The following REST variants were observed in gnomAD, a reference collection of about 807,000 sequenced individuals.
The protein encoded by REST is RE1-silencing transcription factor.
A neutral mutation model predicts 30.4 loss-of-function variants in REST; 1 was observed. The observed-to-expected ratio is 0.03, with a 90% confidence interval of 0.01 to 0.16. REST has a LOEUF of 0.16. Among genes scored for constraint, REST ranks in the 10% least tolerant of loss-of-function variants. The pLI is 1.00. For missense variants in REST, 1,259 were observed against 1,329.5 expected (o/e 0.95, Z 0.82); for synonymous variants, 504 against 451.1 (o/e 1.12, Z -1.49).
chr4:56,910,494 AG>A, intron 1 of REST, 135 bp from the exon 2 acceptor site: 1 of 666,748 alleles, frequency 1.5e-6, no homozygotes, highest in Admixed American at 3.3e-5. Flanking sequence ...TGTTTTTAAT[AG>A]GCGATGAAGT....
chr4:56,930,719 G>A lies in REST; in HGVS notation c.1861G>A (p.Val621Ile). 2 of 1,603,994 alleles carry A rather than the reference G, an allele frequency of 1.2e-6. No homozygotes were observed. Among genetic ancestry groups the A allele is most frequent in the Non-Finnish European group, 8.5e-7 (1 of 1,177,508 alleles). ...GATGGGGCCTGCTCCCACAGAGGCG[G>A]TTCAGAAGGGGCCCGTTCAGGTGGA... ...PQMGPAPTEA[V>I]QKGPVQVEPP... The change falls in exon 4 of 4, where the codon GTT (valine) becomes ATT (isoleucine). Residue 621 changes from valine (V) to isoleucine (I), a missense_variant. By Grantham distance (29) the Val-to-Ile change is conservative. Coordinates refer to ENST00000309042, the MANE Select transcript of REST (RefSeq NM_005612.5).
chr4:56,930,004 A>G lies in REST; in HGVS notation c.1146A>G (p.Leu382=), dbSNP rs770547424. 1.2e-5 allele frequency: 19 copies of G among 1,614,120 alleles called. No homozygotes were observed. The Admixed American group carries it at 2.0e-4, about 17-fold the overall frequency. The change falls in exon 4 of 4, where the codon CTA becomes CTG. Residue 382 remains leucine, a synonymous_variant. Coordinates refer to ENST00000309042, the MANE Select transcript of REST (RefSeq NM_005612.5). The stretch of plus-strand genomic sequence containing the variant: ...GCAACTTCAAAAAACATGTAGAGCT[A>G]CATGTGAACCCACGGCAGTTCAATT... ...DRSNFKKHVE[L]HVNPRQFNCP...
intron 2 of REST, among the ~76,000 whole-genome samples, chr4:56,919,140 C>T (rs1326002200): frequency 1.3e-5 from 2 of 151,812 alleles, no homozygotes; most frequent in East Asian, 3.9e-4. Context: ...CTCCTTACCT[C>T]GTGATCTACC....
chr4:56,929,179 T>G (rs764038063), intron 3 of REST, among the ~76,000 whole-genome samples: 26 of 151,888 alleles, frequency 1.7e-4, no homozygotes, highest in Admixed American at 1.4e-3. Flanking sequence ...GCAATTCTCG[T>G]GTCTCAGCCT....
At chr4:56,917,040 G>A (rs933948398) in intron 2 of REST, among the ~76,000 whole-genome samples, 2 of 152,084 alleles carry the variant, frequency 1.3e-5, no homozygotes, top group African/African-American at 4.8e-5. Context: ...CTGTCTTTGT[G>A]ATTACAGCTA....
chr4:56,927,600 A>G, intron 3 of REST: 2 of 1,085,302 alleles, frequency 1.8e-6, no homozygotes, highest in Non-Finnish European at 1.2e-6. Context: ...TCTACTATGC[A>G]TTCCATTGGA....
Position 56,930,791 on chromosome 4 carries a change from C to T in REST, c.1933C>T (p.Arg645Trp), listed in dbSNP as rs138773727. Residue 645 changes from arginine (R) to tryptophan (W), a missense_variant, in exon 4 of 4, where the codon CGG becomes TGG. Transcript: ENST00000309042. ...TGCTCAGATGGAGGGTGCCCAGATACGGCCTGCTCCTGACGAGCCTGTTCA... is the reference window on the plus strand; with the variant it reads ...TGCTCAGATGGAGGGTGCCCAGATATGGCCTGCTCCTGACGAGCCTGTTCA... ...EHAQMEGAQI[R>W]PAPDEPVQME... 319 of 1,604,014 alleles carry T rather than the reference C, an allele frequency of 2.0e-4. No individual in the cohort carries two copies. The highest frequency in any genetic ancestry group is 2.4e-4 in the Non-Finnish European group (288 of 1,175,630).
chr4:56,931,501 A>C lies in REST; in HGVS notation c.2643A>C (p.Lys881Asn). 1 of 1,614,230 alleles carries C rather than the reference A, an allele frequency of 6.2e-7. No individual in the cohort carries two copies. Among genetic ancestry groups the C allele is most frequent in the Non-Finnish European group, 8.5e-7 (1 of 1,180,044 alleles). The change falls in exon 4 of 4, where the codon AAA (lysine) becomes AAC (asparagine). Residue 881 changes from lysine to asparagine, a missense_variant. Lys to Asn is a moderately conservative substitution (Grantham distance 94). This residue lies in a region of REST where 856 missense variants were observed against 772.8 expected (regional missense o/e 1.11). Transcript: ENST00000309042. ...GAGAAGAGGCATCAGGAGACCAAAA[A>C]TTACTCAACACAGGTGAAGGAAATA... ...NLREEASGDQ[K>N]LLNTGEGNKE... is the part of the protein sequence containing the mutation.
At chr4:56,926,219 C>T (rs1394619943) in intron 3 of REST, among the ~76,000 whole-genome samples, 3 of 151,798 alleles carry the variant, frequency 2.0e-5, no homozygotes, top group Non-Finnish European at 4.4e-5. Flanking sequence ...ACCACCACGC[C>T]TGGCTAAGTT....
chr4:56,923,536 C>T (rs1275647649), intron 3 of REST, among the ~76,000 whole-genome samples: 4 of 150,434 alleles, frequency 2.7e-5, no homozygotes, highest in Admixed American at 6.6e-5. Context: ...TTCTACCTCC[C>T]GGGTTCAAGC....
At chr4:56,922,828 A>G (rs1720516140) in intron 3 of REST, among the ~76,000 whole-genome samples, 1 of 152,216 alleles carries the variant, frequency 6.6e-6, no homozygotes, top group African/African-American at 2.4e-5. Flanking sequence ...CTGGAAATTA[A>G]ATTTAAATGC....
chr4:56,931,163 A>G lies in REST; in HGVS notation c.2305A>G (p.Ile769Val), dbSNP rs574694774. Residue 769 changes from isoleucine to valine, a missense_variant, in exon 4 of 4, where the codon ATA becomes GTA. By Grantham distance (29) the Ile-to-Val change is conservative. This residue lies in a region of REST where 856 missense variants were observed against 772.8 expected (regional missense o/e 1.11). Transcript: ENST00000309042. ...TGTTAAGATAGAGCTGTCTCCTCCCATAGAGGTGGTCCAGAAGGAGCCTGT... is the reference window on the plus strand; with the variant it reads ...TGTTAAGATAGAGCTGTCTCCTCCCGTAGAGGTGGTCCAGAAGGAGCCTGT... The part of the protein sequence containing the change: ...EPVKIELSPP[I>V]EVVQKEPVQM... 12 of 1,607,922 alleles carry G rather than the reference A, an allele frequency of 7.5e-6. No homozygotes were observed. Among genetic ancestry groups the G allele is most frequent in the Non-Finnish European group, 1.0e-5 (12 of 1,175,436 alleles).
chr4:56,927,071 G>A (rs992493317), intron 3 of REST, among the ~76,000 whole-genome samples: 9 of 150,910 alleles, frequency 6.0e-5, no homozygotes, highest in African/African-American at 1.7e-4. Context: ...ACTCCAGACT[G>A]GGCAACAAGA....
chr4:56,926,440 G>A (rs967162663), intron 3 of REST, among the ~76,000 whole-genome samples: 29 of 150,100 alleles, frequency 1.9e-4, no homozygotes, highest in African/African-American at 5.9e-4. Context: ...GCAGTAGTGC[G>A]ATCTCGGCTC....
chr4:56,914,317 G>A (rs1720077832), intron 2 of REST, among the ~76,000 whole-genome samples: 1 of 152,230 alleles, frequency 6.6e-6, no homozygotes, highest in Admixed American at 6.5e-5. Context: ...AATAAAACTT[G>A]CAGGTGAAAT....
chr4:56,922,942 C>A (rs558244028), intron 3 of REST, among the ~76,000 whole-genome samples: 5 of 152,186 alleles, frequency 3.3e-5, no homozygotes, highest in Non-Finnish European at 5.9e-5. Context: ...ATACTTTTAT[C>A]CTTTCGTTCA....
Position 56,931,240 on chromosome 4 carries a change from G to T in REST, c.2382G>T (p.Gln794His), listed in dbSNP as rs1449789511. 2 of 1,614,092 alleles carry T rather than the reference G, an allele frequency of 1.2e-6. No individual in the cohort carries two copies. The highest frequency in any genetic ancestry group is 2.7e-5 in the African/African-American group (2 of 74,944). ...PMGVVQKEPA[Q>H]REPPPPREPP... Reference sequence around the variant, plus strand: ...GGGTGGTTCAGAAGGAGCCTGCTCAGAGGGAGCCACCTCCTCCCAGAGAGC... The same window carrying T: ...GGGTGGTTCAGAAGGAGCCTGCTCATAGGGAGCCACCTCCTCCCAGAGAGC... The change falls in exon 4 of 4, where the codon CAG becomes CAT. Residue 794 changes from glutamine (Q) to histidine (H), a missense_variant. Transcript: ENST00000309042.
rs935212913 is a variant in REST at position 56,932,880 on chromosome 4, T to C, written c.*728T>C. On this transcript the variant is annotated 3_prime_UTR_variant, in exon 4 of 4. Transcript: ENST00000309042. ...GTTGAACAGTAACACTTTATACATATATATATGCATGTTTATTTTGTTTGG... is the reference window on the plus strand; with the variant it reads ...GTTGAACAGTAACACTTTATACATACATATATGCATGTTTATTTTGTTTGG... 2.6e-5 allele frequency: 4 copies of C among 152,142 alleles called. No homozygotes were observed. The highest frequency in any genetic ancestry group is 7.2e-5 in the African/African-American group (3 of 41,442). 9.4% of individuals were successfully genotyped at this position (152,142 alleles called of 1,614,324 possible).
At chr4:56,920,284 G>GA (rs1720388956) in intron 3 of REST, among the ~76,000 whole-genome samples, 2 of 151,190 alleles carry the variant, frequency 1.3e-5, no homozygotes, top group African/African-American at 4.9e-5. Context: ...GTCCTGAAAT[G>GA]AAGGTTTGTT....
Sources: allele counts gnomAD v4.1 joint callset (sites outside exome capture counted in the v4.1 genomes callset), GRCh38; gene constraint gnomAD v4.1.1; regional missense constraint gnomAD v4.1.1; transcripts MANE v1.5; gene names NCBI Gene and HGNC (gene_info 2026-07-23, HGNC 2026-07-21).